Variants in VKORC1L1 observed in about 807,000 individuals in gnomAD.
The protein encoded by VKORC1L1 is vitamin K epoxide reductase complex subunit 1-like protein 1.
Under a neutral mutation model 18.9 loss-of-function variants are expected in VKORC1L1, and 2 were observed. The observed-to-expected ratio is 0.11, with a 90% confidence interval of 0.04 to 0.33. The LOEUF is 0.33. Among genes scored for constraint, VKORC1L1 ranks in the 10% least tolerant of loss-of-function variants. The pLI, the probability that VKORC1L1 is intolerant of heterozygous loss-of-function variation, is 1.00. For synonymous variants in VKORC1L1, 96 were observed against 100.0 expected (o/e 0.96, Z 0.24); for missense variants, 123 against 224.1 (o/e 0.55, Z 2.88).
chr7:65,874,117 TCC>T (rs1788784851), intron 1 of VKORC1L1, among the ~76,000 whole-genome samples: 1 of 152,072 alleles, frequency 6.6e-6, no homozygotes, highest in Non-Finnish European at 1.5e-5. Flanking sequence ...CTCTTTGTAC[TCC>T]AGCGCTAGTG....
chr7:65,875,352 CATTTT>C (rs901170530), intron 1 of VKORC1L1, among the ~76,000 whole-genome samples: 1 of 152,128 alleles, frequency 6.6e-6, no homozygotes, highest in African/African-American at 2.4e-5. Context: ...TATATAGACT[CATTTT>C]CTTTTGGAAG....
intron 1 of VKORC1L1, among the ~76,000 whole-genome samples, chr7:65,918,132 A>G (rs1271262908): frequency 6.6e-6 from 1 of 152,104 alleles, no homozygotes; most frequent in Non-Finnish European, 1.5e-5. Flanking sequence ...CTACCCCGCA[A>G]CCTCCTAGAG....
chr7:65,914,564 C>T (rs1199540012), intron 1 of VKORC1L1, among the ~76,000 whole-genome samples: 3 of 152,220 alleles, frequency 2.0e-5, no homozygotes, highest in Admixed American at 6.5e-5. Context: ...TACTCATTCT[C>T]TCACAGCCCA....
intron 1 of VKORC1L1, among the ~76,000 whole-genome samples, chr7:65,921,362 C>G (rs1022833610): frequency 1.3e-5 from 2 of 152,098 alleles, no homozygotes; most frequent in African/African-American, 2.4e-5. Flanking sequence ...TCCATTTCCC[C>G]CCACTGTATT....
chr7:65,893,439 G>C (rs151046815), intron 1 of VKORC1L1, among the ~76,000 whole-genome samples: 2 of 152,194 alleles, frequency 1.3e-5, no homozygotes, highest in African/African-American at 4.8e-5. Context: ...TACTTGGGAG[G>C]CTGAGGCAGG....
At chr7:65,889,481 A>G (rs1164410590) in intron 1 of VKORC1L1, among the ~76,000 whole-genome samples, 2 of 152,188 alleles carry the variant, frequency 1.3e-5, no homozygotes, top group Non-Finnish European at 2.9e-5. Flanking sequence ...CACCAAATTC[A>G]ATCAATCACC....
chr7:65,950,135 A>G (rs979469654), intron 2 of VKORC1L1, among the ~76,000 whole-genome samples: 5 of 152,018 alleles, frequency 3.3e-5, no homozygotes, highest in African/African-American at 1.2e-4. Flanking sequence ...AAAATTGCTA[A>G]TAGTTACACA....
Position 65,873,477 on chromosome 7 carries a change from G to A in VKORC1L1, c.106G>A (p.Val36Met). The change falls in exon 1 of 3, where the codon GTG (valine) becomes ATG (methionine). Residue 36 changes from valine to methionine, a missense_variant. Physicochemically the swap from Val to Met is conservative, Grantham distance 21. Around this residue, in one of 4 missense-constraint regions of VKORC1L1, gnomAD observed 60 missense variants for 76.9 expected, o/e 0.78. Transcript: ENST00000360768. The part of the protein sequence containing the change: ...GILLSIYAYH[V>M]EREKERDPEH... The stretch of plus-strand genomic sequence containing the variant: ...CCTGCTCTCCATCTACGCCTACCAC[G>A]TGGAGCGGGAGAAGGAGCGGGACCC... 1 of 1,597,112 alleles carries A rather than the reference G, an allele frequency of 6.3e-7. No individual in the cohort carries two copies. Among genetic ancestry groups the A allele is most frequent in the Non-Finnish European group, 8.5e-7 (1 of 1,172,936 alleles).
At chr7:65,886,130 A>T (rs1283742960) in intron 1 of VKORC1L1, among the ~76,000 whole-genome samples, 1 of 152,224 alleles carries the variant, frequency 6.6e-6, no homozygotes, top group African/African-American at 2.4e-5. Context: ...GAAAAGCCTT[A>T]TATCATCTAT....
At chr7:65,939,603 T>C (rs1323342392) in intron 1 of VKORC1L1, among the ~76,000 whole-genome samples, 1 of 152,202 alleles carries the variant, frequency 6.6e-6, no homozygotes, top group East Asian at 1.9e-4. Flanking sequence ...TGCCAAACCC[T>C]GAAACCAAGG....
chr7:65,874,982 G>A (rs1788802049), intron 1 of VKORC1L1, among the ~76,000 whole-genome samples: 1 of 152,102 alleles, frequency 6.6e-6, no homozygotes, highest in Non-Finnish European at 1.5e-5. Context: ...AAGACTAAAG[G>A]TAACTGGATC....
intron 1 of VKORC1L1, among the ~76,000 whole-genome samples, chr7:65,877,104 T>TA (rs1203618086): frequency 2.0e-5 from 3 of 152,250 alleles, no homozygotes; most frequent in Non-Finnish European, 4.4e-5. Context: ...TGAAAAGTGA[T>TA]ACATGTATGT....
At chr7:65,938,766 A>AG (rs1422270099) in intron 1 of VKORC1L1, among the ~76,000 whole-genome samples, 1 of 152,202 alleles carries the variant, frequency 6.6e-6, no homozygotes, top group East Asian at 1.9e-4. Context: ...AGAGTCTCCT[A>AG]AAGAGCCCGA....
At chr7:65,951,101 A>G (rs1392257690) in intron 2 of VKORC1L1, among the ~76,000 whole-genome samples, 5 of 152,030 alleles carry the variant, frequency 3.3e-5, no homozygotes, top group African/African-American at 2.4e-5. Flanking sequence ...TTTCATTCGC[A>G]TTTTTTGACT....
chr7:65,928,254 CT>C lies in VKORC1L1; in HGVS notation c.195-20397del, dbSNP rs760146385. 5.2e-3 allele frequency among the ~76,000 whole-genome samples: 548 copies of C among 106,228 alleles called. 1 individual carries two copies. The highest frequency in any genetic ancestry group is 8.7e-3 in the East Asian group (33 of 3,784). The allele number at this position is 106,228 out of a possible 152,430, so 69.7% of individuals were successfully genotyped here. A position where few individuals can be genotyped will look rare whatever the true frequency, so the allele number is the denominator to read the frequency against. On this transcript the variant is annotated intron_variant, in intron 1 of 2. Coordinates refer to ENST00000360768, the MANE Select transcript of VKORC1L1 (RefSeq NM_173517.6). ...ATCCCTACCCCTACCTTTTTTCCTT[CT>C]TTTTTTTTTTTTTTTTTTTCAGATG...
intron 1 of VKORC1L1, among the ~76,000 whole-genome samples, chr7:65,885,685 T>C (rs559383221): frequency 1.3e-5 from 2 of 152,244 alleles, no homozygotes; most frequent in African/African-American, 4.8e-5. Context: ...GCCACAAGGC[T>C]TTTCTGCATA....
intron 1 of VKORC1L1, among the ~76,000 whole-genome samples, chr7:65,884,900 A>G (rs181870999): frequency 6.6e-6 from 1 of 152,264 alleles, no homozygotes; most frequent in East Asian, 1.9e-4. Flanking sequence ...TCATGTTTTT[A>G]TTAACTGTGT....
chr7:65,941,927 T>C lies in VKORC1L1; in HGVS notation c.195-6744T>C, dbSNP rs191149248. Among the ~76,000 whole-genome samples the C allele has an allele frequency of 1.9e-3, 283 of 152,186 alleles. 3 individuals carry two copies. The highest frequency in any genetic ancestry group is 6.6e-3 in the African/African-American group (276 of 41,514). ...CCACCTGCTTTGGCCTCCCAAAGTG[T>C]TGGAATTACAGGCGTGAGCCACTGC... On this transcript the variant is annotated intron_variant, in intron 1 of 2. Coordinates refer to ENST00000360768, the MANE Select transcript of VKORC1L1 (RefSeq NM_173517.6).
At chr7:65,912,463 G>A (rs781236131) in intron 1 of VKORC1L1, among the ~76,000 whole-genome samples, 62 of 152,330 alleles carry the variant, frequency 4.1e-4, no homozygotes, top group Non-Finnish European at 8.4e-4. Context: ...TCAATCGCAT[G>A]TCAGTTTCTT....
Sources: allele counts gnomAD v4.1 joint callset (sites outside exome capture counted in the v4.1 genomes callset), GRCh38; gene constraint gnomAD v4.1.1; regional missense constraint gnomAD v4.1.1; transcripts MANE v1.5; gene names NCBI Gene and HGNC (gene_info 2026-07-23, HGNC 2026-07-21).